P2RY14: variants seen among roughly 807,000 people sequenced by gnomAD.
P2RY14 encodes the protein P2Y purinoceptor 14.
Under a neutral mutation model 0.9 loss-of-function variants are expected in P2RY14, and 2 were observed. The ratio of observed to expected loss-of-function variants is 2.16; its 90% CI spans 0.88 to 6.79. The LOEUF (loss-of-function observed/expected upper bound fraction) is 6.79. Ranked by LOEUF, P2RY14 falls within the 30% of genes most tolerant of loss-of-function variation. The pLI is 0.05. For missense variants in P2RY14, 378 were observed against 400.1 expected (o/e 0.94, Z 0.47); for synonymous variants, 158 against 147.2 (o/e 1.07, Z -0.53).
chr3:151,239,426 A>G (rs1026778287), intron 1 of P2RY14, among the ~76,000 whole-genome samples: 2 of 152,232 alleles, frequency 1.3e-5, no homozygotes, highest in Non-Finnish European at 2.9e-5. Flanking sequence ...TAACCTAAAC[A>G]TTTTGCAAGA....
At chr3:151,242,556 C>A (rs1346954215) in intron 1 of P2RY14, among the ~76,000 whole-genome samples, 1 of 152,208 alleles carries the variant, frequency 6.6e-6, no homozygotes, top group Non-Finnish European at 1.5e-5. Flanking sequence ...AGCTGAGGGT[C>A]CTGTCTGTTA....
intron 1 of P2RY14, among the ~76,000 whole-genome samples, chr3:151,227,205 G>A (rs1252204084): frequency 6.6e-6 from 1 of 152,204 alleles, no homozygotes; most frequent in African/African-American, 2.4e-5. Context: ...TTGAGGAGCT[G>A]TGCTAAGTTT....
intron 1 of P2RY14, among the ~76,000 whole-genome samples, chr3:151,264,962 C>G (rs1046490821): frequency 6.6e-6 from 1 of 152,202 alleles, no homozygotes; most frequent in Admixed American, 6.5e-5. Flanking sequence ...AGATAACACA[C>G]CCATCTTCTC....
intron 1 of P2RY14, among the ~76,000 whole-genome samples, chr3:151,272,976 G>A (rs1741229108): frequency 6.6e-6 from 1 of 152,088 alleles, no homozygotes; most frequent in Non-Finnish European, 1.5e-5. Flanking sequence ...AACTTTTTGA[G>A]GGCTGACATG....
intron 1 of P2RY14, among the ~76,000 whole-genome samples, chr3:151,232,945 A>G (rs750881254): frequency 2.6e-5 from 4 of 152,196 alleles, no homozygotes; most frequent in Admixed American, 2.0e-4. Flanking sequence ...ATTGTTTAAA[A>G]CCATCATCTG....
chr3:151,261,232 G>A (rs1309521861), intron 1 of P2RY14, among the ~76,000 whole-genome samples: 3 of 152,064 alleles, frequency 2.0e-5, no homozygotes, highest in Non-Finnish European at 4.4e-5. Flanking sequence ...ATGAACGAAT[G>A]ATGGAGAGAC....
At chr3:151,258,098 G>A (rs1421291772) in intron 1 of P2RY14, among the ~76,000 whole-genome samples, 2 of 152,170 alleles carry the variant, frequency 1.3e-5, no homozygotes, top group African/African-American at 4.8e-5. Flanking sequence ...GTGGGTCCCT[G>A]AGTTGCTCCA....
chr3:151,245,535 T>G (rs2149409576), intron 1 of P2RY14, among the ~76,000 whole-genome samples: 1 of 148,892 alleles, frequency 6.7e-6, no homozygotes, highest in Non-Finnish European at 1.5e-5. Flanking sequence ...ATTATCTCAA[T>G]AGATGCAGAA....
intron 2 of P2RY14, among the ~76,000 whole-genome samples, chr3:151,218,668 A>G (rs926552924): frequency 6.6e-6 from 1 of 151,972 alleles, no homozygotes; most frequent in Non-Finnish European, 1.5e-5. Context: ...GGAGATTGAG[A>G]CCAGCCTGGC....
intron 1 of P2RY14, among the ~76,000 whole-genome samples, chr3:151,243,995 C>T (rs1302207759): frequency 7.2e-6 from 1 of 137,944 alleles, no homozygotes; most frequent in Admixed American, 7.6e-5. Context: ...GACTTTAAAC[C>T]AACAAAGATC....
chr3:151,239,581 C>G (rs1041118137), intron 1 of P2RY14, among the ~76,000 whole-genome samples: 2 of 151,970 alleles, frequency 1.3e-5, no homozygotes, highest in African/African-American at 4.8e-5. Context: ...TTGTGTTAAC[C>G]TGCTATTTAA....
At chr3:151,257,419 C>T (rs866755747) in intron 1 of P2RY14, among the ~76,000 whole-genome samples, 2 of 152,194 alleles carry the variant, frequency 1.3e-5, no homozygotes, top group Admixed American at 6.5e-5. Context: ...AATAGATTGC[C>T]TTAGTTAGAA....
At chr3:151,261,192 T>A (rs971840341) in intron 1 of P2RY14, among the ~76,000 whole-genome samples, 4 of 152,050 alleles carry the variant, frequency 2.6e-5, no homozygotes, top group Non-Finnish European at 5.9e-5. Context: ...GAAATGCCCA[T>A]GAATGAGACA....
chr3:151,213,722 A>T lies in P2RY14; in HGVS notation c.595T>A (p.Phe199Ile). ...GTATAGAAAACGATTAACAAAAGAA[A>T]CACAATCCAGAAGATGGCCACGAAG... is the stretch of plus-strand genomic sequence containing the variant. ...YIFVAIFWIV[F>I]LLLIVFYTAI... The change falls in exon 3 of 3, where the codon TTT (phenylalanine) becomes ATT (isoleucine). Residue 199 changes from phenylalanine to isoleucine, a missense_variant. Phe to Ile is a conservative substitution (Grantham distance 21, BLOSUM62 0). Transcript: ENST00000309170. 1 of 1,614,178 alleles carries T rather than the reference A, an allele frequency of 6.2e-7. No individual in the cohort carries two copies.
chr3:151,253,820 T>C (rs1307061315), intron 1 of P2RY14, among the ~76,000 whole-genome samples: 1 of 152,122 alleles, frequency 6.6e-6, no homozygotes, highest in African/African-American at 2.4e-5. Context: ...ATTGTCCTTT[T>C]GCTGAGAGCA....
chr3:151,245,983 A>G (rs1559931333), intron 1 of P2RY14, among the ~76,000 whole-genome samples: 1 of 150,930 alleles, frequency 6.6e-6, no homozygotes, highest in Non-Finnish European at 1.5e-5. Context: ...GCAACAGACA[A>G]ACAGAGAGCC....
rs1332577664 is a variant in P2RY14, at chr3:151,244,262, C to T, written c.-132-24620G>A. Among the ~76,000 whole-genome samples, 353 of 131,350 alleles carry T rather than the reference C, an allele frequency of 2.7e-3. 2 individuals are homozygous for T. Among genetic ancestry groups the T allele is most frequent in the Non-Finnish European group, 4.7e-3 (278 of 59,158 alleles). The allele number at this position is 131,350 out of a possible 152,430, so 86.2% of individuals were successfully genotyped here. Reference sequence around the variant, plus strand: ...GAATTGAACTCAGCTCTGCACCAAGCGGACCTAATAGACATCTACAGAACT... The same window carrying T: ...GAATTGAACTCAGCTCTGCACCAAGTGGACCTAATAGACATCTACAGAACT... On this transcript the variant is annotated intron_variant, in intron 1 of 2. Coordinates refer to ENST00000309170, the MANE Select transcript of P2RY14 (RefSeq NM_014879.4).
chr3:151,258,493 G>C (rs1738248076), intron 1 of P2RY14, among the ~76,000 whole-genome samples: 1 of 152,138 alleles, frequency 6.6e-6, no homozygotes, highest in South Asian at 2.1e-4. Context: ...CCTTGCAACA[G>C]AACAATGAGA....
Position 151,219,341 on chromosome 3 carries a change from C to G in P2RY14, c.-25+194G>C, listed in dbSNP as rs1728867391. ...ATACGTTCATCTTAATAAAAGCAGG[C>G]TTAGTCAGCTCTGAGTTCATTACTC... On this transcript the variant is annotated intron_variant, in intron 2 of 2. Coordinates refer to ENST00000309170, the MANE Select transcript of P2RY14 (RefSeq NM_014879.4). Among the ~76,000 whole-genome samples the G allele has an allele frequency of 3.9e-5, 6 of 152,178 alleles. No individual in the cohort carries two copies. In the South Asian group the frequency reaches 1.2e-3, roughly 32 times the overall value.
Sources: gnomAD v4.1 joint callset for allele counts (sites outside exome capture counted in the v4.1 genomes callset) on GRCh38, gnomAD v4.1.1 for gene constraint, MANE v1.5 for transcripts, NCBI Gene and HGNC (gene_info 2026-07-23, HGNC 2026-07-21) for gene names.